The following RNF180 variants were observed in gnomAD, a reference collection of about 807,000 sequenced individuals.
RNF180 encodes ring finger protein 180, also known as E3 ubiquitin-protein ligase RNF180.
In RNF180, 38 loss-of-function variants were observed where a neutral mutation model predicts 59.2. That is an observed-to-expected ratio of 0.64 (90% CI 0.50 to 0.84). The LOEUF is 0.84. Ranked by LOEUF, RNF180 falls within the 40% of genes least tolerant of loss-of-function variation. The pLI, the probability that RNF180 is intolerant of heterozygous loss-of-function variation, is 0.00. For synonymous variants in RNF180, 262 were observed against 240.3 expected, an observed-to-expected ratio of 1.09 and a Z score of -0.84; for missense variants, 705 against 700.9, an observed-to-expected ratio of 1.01 and a Z score of -0.07.
At chr5:64,186,894 G>A (rs994287942) in intron 1 of RNF180, among the ~76,000 whole-genome samples, 5 of 151,992 alleles carry the variant, frequency 3.3e-5, no homozygotes, top group African/African-American at 7.3e-5. Context: ...TCTTAATTCC[G>A]CATGCAATTT....
rs557622614 is a variant in RNF180, at chr5:64,362,519, T to C, written c.1580-7096T>C. 3.9e-5 allele frequency among the ~76,000 whole-genome samples: 6 copies of C among 152,066 alleles called. No individual in the cohort carries two copies. In the South Asian group the frequency reaches 1.0e-3, roughly 26 times the overall value. ...GGCATTTAGGTTTATTCCACGTCTT[T>C]GCTATTGTGAATAGTGCTGCAAAGA... On this transcript the variant is annotated intron_variant, in intron 7 of 7. Transcript: ENST00000389100.
chr5:64,219,770 C>T (rs1001746554), intron 5 of RNF180, among the ~76,000 whole-genome samples: 1 of 152,168 alleles, frequency 6.6e-6, no homozygotes, highest in Admixed American at 6.5e-5. Context: ...CCGCCTGCCT[C>T]AGCCTCCCAA....
chr5:64,234,611 T>C (rs1440461803), intron 5 of RNF180, among the ~76,000 whole-genome samples: 1 of 89,270 alleles, frequency 1.1e-5, no homozygotes, highest in Non-Finnish European at 2.1e-5. Flanking sequence ...TTTTTTTTTT[T>C]TTTTTTGAGA....
chr5:64,182,238 G>A (rs978350731), intron 1 of RNF180, among the ~76,000 whole-genome samples: 3 of 151,950 alleles, frequency 2.0e-5, no homozygotes, highest in Non-Finnish European at 2.9e-5. Flanking sequence ...TGATCTGCCC[G>A]CTTTGGCCTC....
At chr5:64,329,504 C>G (rs1442334852) in intron 6 of RNF180, among the ~76,000 whole-genome samples, 2 of 146,214 alleles carry the variant, frequency 1.4e-5, no homozygotes, top group African/African-American at 2.5e-5. Flanking sequence ...TTCGCCCAGG[C>G]TGGAGTGCAA....
At chr5:64,277,730 A>G (rs1263098513) in intron 5 of RNF180, among the ~76,000 whole-genome samples, 2 of 152,160 alleles carry the variant, frequency 1.3e-5, no homozygotes, top group African/African-American at 4.8e-5. Context: ...ACTGACACAA[A>G]TGGAAATACC....
At chr5:64,320,732 G>A (rs565398101) in intron 5 of RNF180, among the ~76,000 whole-genome samples, 70 of 152,278 alleles carry the variant, frequency 4.6e-4, no homozygotes, top group African/African-American at 1.6e-3. Context: ...GAAAACAAAA[G>A]GGATATTATA....
At chr5:64,290,319 G>A (rs1297602523) in intron 5 of RNF180, among the ~76,000 whole-genome samples, 1 of 152,216 alleles carries the variant, frequency 6.6e-6, no homozygotes, top group Admixed American at 6.5e-5. Context: ...TTTAGAGTAA[G>A]TGCCATGTGG....
At chr5:64,282,617 G>A (rs1219894969) in intron 5 of RNF180, among the ~76,000 whole-genome samples, 1 of 152,056 alleles carries the variant, frequency 6.6e-6, no homozygotes, top group East Asian at 1.9e-4. Context: ...GTTCCTCTAG[G>A]TATGATGTTA....
At chr5:64,270,559 G>C (rs919190313) in intron 5 of RNF180, among the ~76,000 whole-genome samples, 8 of 152,098 alleles carry the variant, frequency 5.3e-5, no homozygotes, top group Admixed American at 5.2e-4. Context: ...CAACAGTTCT[G>C]TGAGGGAAGT....
chr5:64,240,374 C>T (rs1412273602), intron 5 of RNF180, among the ~76,000 whole-genome samples: 2 of 152,156 alleles, frequency 1.3e-5, no homozygotes, highest in South Asian at 2.1e-4. Flanking sequence ...CAAGGATTAG[C>T]AGGCCATATG....
chr5:64,307,292 A>G (rs1743522699), intron 5 of RNF180, among the ~76,000 whole-genome samples: 1 of 151,334 alleles, frequency 6.6e-6, no homozygotes, highest in South Asian at 2.1e-4. Context: ...AGGACATGAA[A>G]CCTATTTGCT....
chr5:64,304,582 G>C (rs1743335064), intron 5 of RNF180, among the ~76,000 whole-genome samples: 1 of 151,646 alleles, frequency 6.6e-6, no homozygotes, highest in African/African-American at 2.4e-5. Context: ...ATTAGAAGAG[G>C]AGCCTGAAGA....
intron 5 of RNF180, among the ~76,000 whole-genome samples, chr5:64,263,989 T>G (rs1167497084): frequency 6.6e-6 from 1 of 152,200 alleles, no homozygotes; most frequent in Non-Finnish European, 1.5e-5. Flanking sequence ...CATGGCATAA[T>G]TCTACTGGCC....
At chr5:64,355,852 A>ATG (rs1337969752) in intron 7 of RNF180, among the ~76,000 whole-genome samples, 1 of 151,918 alleles carries the variant, frequency 6.6e-6, no homozygotes, top group Non-Finnish European at 1.5e-5. Context: ...ATGCAAAAGA[A>ATG]TGAAGTTGGA....
chr5:64,278,207 A>G (rs549293549), intron 5 of RNF180, among the ~76,000 whole-genome samples: 1 of 152,328 alleles, frequency 6.6e-6, no homozygotes, highest in East Asian at 1.9e-4. Flanking sequence ...AGACAATGGC[A>G]GGGCCTGCAC....
intron 5 of RNF180, among the ~76,000 whole-genome samples, chr5:64,244,123 G>A (rs1385785930): frequency 2.6e-5 from 4 of 152,074 alleles, no homozygotes; most frequent in African/African-American, 4.8e-5. Flanking sequence ...ATAAATCCAC[G>A]AAGATGAGGA....
At chr5:64,276,521 T>C (rs1685401314) in intron 5 of RNF180, among the ~76,000 whole-genome samples, 1 of 152,176 alleles carries the variant, frequency 6.6e-6, no homozygotes, top group South Asian at 2.1e-4. Flanking sequence ...ATGACATGCC[T>C]GTGACTGAAG....
At chr5:64,346,527 G>A (rs1451879624) in intron 7 of RNF180, among the ~76,000 whole-genome samples, 1 of 151,742 alleles carries the variant, frequency 6.6e-6, no homozygotes, top group African/African-American at 2.4e-5. Flanking sequence ...CTGCCACCAT[G>A]CCCAGCTAAT....
Sources: gnomAD v4.1 joint callset for allele counts (sites outside exome capture counted in the v4.1 genomes callset) on GRCh38, gnomAD v4.1.1 for gene constraint, MANE v1.5 for transcripts, NCBI Gene and HGNC (gene_info 2026-07-23, HGNC 2026-07-21) for gene names.